Variants in KIF21A observed in about 807,000 individuals in gnomAD.
The protein encoded by KIF21A is kinesin-like protein KIF21A.
A neutral mutation model predicts 202.9 loss-of-function variants in KIF21A; 114 were observed. That is an observed-to-expected ratio of 0.56 (90% CI 0.48 to 0.66). The LOEUF (loss-of-function observed/expected upper bound fraction) is 0.66, where lower values mean the gene tolerates loss of function less well. Ranked by LOEUF, KIF21A falls within the 30% of genes least tolerant of loss-of-function variation. The probability of loss-of-function intolerance (pLI) is 0.00; values close to 1 mark genes in which losing one functional copy is unlikely to be tolerated. For synonymous variants in KIF21A, 667 were observed against 670.8 expected (o/e 0.99, Z 0.09); for missense variants, 1,677 against 1,994.9 (o/e 0.84, Z 3.04).
chr12:39,416,633 ATATATATATATGTACATATATATGTG>A (rs1291186481), intron 1 of KIF21A, among the ~76,000 whole-genome samples: 4 of 92,260 alleles, frequency 4.3e-5, no homozygotes, highest in Non-Finnish European at 8.4e-5. Context: ...ATATATGTGT[ATATATATATATGTACATATATATGTG>A]TATATATATA....
chr12:39,341,475 A>T (rs754223276), intron 14 of KIF21A, 30 bp downstream of exon 14: 1 of 1,606,028 alleles, frequency 6.2e-7, no homozygotes, highest in Non-Finnish European at 8.5e-7. Flanking sequence ...CCCAAAATGA[A>T]TTTTTGCCCT....
At chr12:39,426,845 C>T (rs750442568) in intron 1 of KIF21A, among the ~76,000 whole-genome samples, 2 of 148,230 alleles carry the variant, frequency 1.3e-5, no homozygotes, top group Non-Finnish European at 3.0e-5. Flanking sequence ...GATCACACCA[C>T]TGCATTCCAG....
Position 39,331,946 on chromosome 12 carries a change from G to T in KIF21A, c.3052-155C>A, listed in dbSNP as rs542328078. The T allele has an allele frequency of 4.2e-5, 30 of 719,864 alleles. No homozygotes were observed. In the East Asian group the frequency reaches 8.0e-4, roughly 19 times the overall value. 44.6% of individuals were successfully genotyped at this position (719,864 alleles called of 1,614,324 possible). A position where few individuals can be genotyped will look rare whatever the true frequency, so the allele number is the denominator to read the frequency against. On this transcript the variant is annotated intron_variant, in intron 21 of 37. Coordinates refer to ENST00000361418, the MANE Select transcript of KIF21A (RefSeq NM_001173464.2). ...TGATCATTACCCCAAGAAACATAGGGTTTAGTTGAAAAGACACATTTAAGC... is the reference window on the plus strand; with the variant it reads ...TGATCATTACCCCAAGAAACATAGGTTTTAGTTGAAAAGACACATTTAAGC...
At chr12:39,332,473 A>ATTGGCC in intron 20 of KIF21A, 65 bp from the exon 21 acceptor site, 1 of 787,552 alleles carries the variant, frequency 1.3e-6, no homozygotes, top group Non-Finnish European at 2.0e-6. Context: ...GTACCATCAA[A>ATTGGCC]CCCCCCCACC....
chr12:39,381,306 C>CA (rs542073175), intron 1 of KIF21A, among the ~76,000 whole-genome samples: 7,598 of 64,160 alleles, frequency 0.12, 372 homozygotes, highest in African/African-American at 0.21. Context: ...GACTCTGTCT[C>CA]AAAAAAAAAA....
chr12:39,385,011 C>G (rs1027431488), intron 1 of KIF21A, among the ~76,000 whole-genome samples: 2 of 152,190 alleles, frequency 1.3e-5, no homozygotes, highest in African/African-American at 4.8e-5. Context: ...CTGCTAAAAT[C>G]TGGTCTCATA....
At chr12:39,343,143 C>G (rs1416052054) in intron 12 of KIF21A, among the ~76,000 whole-genome samples, 2 of 152,088 alleles carry the variant, frequency 1.3e-5, no homozygotes, top group Non-Finnish European at 2.9e-5. Flanking sequence ...GCGGGCAGAT[C>G]ACGAGGTCAG....
At chr12:39,372,381 G>T (rs537965809) in intron 1 of KIF21A, among the ~76,000 whole-genome samples, 2 of 152,250 alleles carry the variant, frequency 1.3e-5, no homozygotes, top group South Asian at 4.1e-4. Flanking sequence ...ACTAATCAAT[G>T]TGGAGCTGTC....
At chr12:39,428,735 G>A (rs185017836) in intron 1 of KIF21A, among the ~76,000 whole-genome samples, 87 of 152,180 alleles carry the variant, frequency 5.7e-4, no homozygotes, top group African/African-American at 1.9e-3. Flanking sequence ...CGAGGTGGGC[G>A]GATCATGAGG....
chr12:39,293,640 T>C lies in KIF21A; in HGVS notation c.*784A>G, dbSNP rs1591979257. The stretch of plus-strand genomic sequence containing the variant: ...AAATAAAAACAAAATTAAATGGTCA[T>C]AATAGAAACAACTCCATAGGAAAAT... On this transcript the variant is annotated 3_prime_UTR_variant, in exon 38 of 38. Transcript: ENST00000361418. 1 of 151,944 alleles carries C rather than the reference T, an allele frequency of 6.6e-6. No individual in the cohort carries two copies. The highest frequency in any genetic ancestry group is 1.5e-5 in the Non-Finnish European group (1 of 67,950). The allele number at this position is 151,944 out of a possible 1,614,324, so 9.4% of individuals were successfully genotyped here.
intron 1 of KIF21A, among the ~76,000 whole-genome samples, chr12:39,394,797 C>A (rs142160443): frequency 0.014 from 2,147 of 152,346 alleles, 24 homozygotes; most frequent in Non-Finnish European, 0.02. Flanking sequence ...AAATCTTCAT[C>A]TCCATCCCAA....
chr12:39,301,833 T>G (rs1942989266), intron 36 of KIF21A, among the ~76,000 whole-genome samples, 154 bp from the exon 37 acceptor site: 2 of 152,230 alleles, frequency 1.3e-5, no homozygotes, highest in African/African-American at 2.4e-5. Context: ...CTTAGTGATT[T>G]AAAGAAATAA....
At chr12:39,369,049 G>T (rs1949783807) in intron 3 of KIF21A, among the ~76,000 whole-genome samples, 1 of 152,148 alleles carries the variant, frequency 6.6e-6, no homozygotes, top group Non-Finnish European at 1.5e-5. Context: ...AGCCAGATAA[G>T]TGCTACAACC....
At chr12:39,316,006 T>C in intron 29 of KIF21A, 36 bp from the exon 30 acceptor site, 3 of 1,440,058 alleles carry the variant, frequency 2.1e-6, no homozygotes, top group Non-Finnish European at 2.0e-6. Context: ...AGAGAAAGAA[T>C]ACAGATGTCA....
chr12:39,415,743 G>T (rs1465953455), intron 1 of KIF21A, among the ~76,000 whole-genome samples: 4 of 152,082 alleles, frequency 2.6e-5, no homozygotes, highest in Admixed American at 2.6e-4. Flanking sequence ...CCTTTGACTT[G>T]ACTTTAACTC....
intron 1 of KIF21A, among the ~76,000 whole-genome samples, chr12:39,395,960 C>T (rs184772361): frequency 1.8e-3 from 277 of 151,932 alleles, no homozygotes; most frequent in Non-Finnish European, 2.0e-3. Flanking sequence ...ACATGCTTAT[C>T]TAATTATGCT....
intron 35 of KIF21A, 130 bp from the exon 36 acceptor site, chr12:39,303,265 G>T: frequency 1.3e-6 from 1 of 745,248 alleles, no homozygotes; most frequent in South Asian, 1.8e-5. Context: ...ATTGTTTCTG[G>T]TTTGTTAAAT....
At chr12:39,337,433 T>C (rs1165752364) in intron 16 of KIF21A, 4 of 481,594 alleles carry the variant, frequency 8.3e-6, no homozygotes, top group African/African-American at 7.8e-5. Context: ...GTATTCAATA[T>C]TCAGTTGTTC....
intron 26 of KIF21A, among the ~76,000 whole-genome samples, chr12:39,324,935 T>G (rs939576394): frequency 6.6e-6 from 1 of 152,238 alleles, no homozygotes; most frequent in African/African-American, 2.4e-5. Context: ...AAACATTGTA[T>G]GATTGTTAGT....
Sources: allele counts gnomAD v4.1 joint callset (sites outside exome capture counted in the v4.1 genomes callset), GRCh38; gene constraint gnomAD v4.1.1; transcripts MANE v1.5; gene names NCBI Gene and HGNC (gene_info 2026-07-23, HGNC 2026-07-21).